CLVS2: variants seen among roughly 807,000 people sequenced by gnomAD.
CLVS2 encodes clavesin-2.
Under a neutral mutation model 29.0 loss-of-function variants are expected in CLVS2, and 19 were observed. The ratio of observed to expected loss-of-function variants is 0.66; its 90% confidence interval spans 0.46 to 0.96. The LOEUF is 0.96. Among genes scored for constraint, CLVS2 ranks in the 40% least tolerant of loss-of-function variants. CLVS2 has a pLI of 0.00. For missense variants in CLVS2, 294 were observed against 404.1 expected, an observed-to-expected ratio of 0.73 and a Z score of 2.34; for synonymous variants, 161 against 151.3, an observed-to-expected ratio of 1.06 and a Z score of -0.47.
intron 5 of CLVS2, among the ~76,000 whole-genome samples, chr6:123,061,646 A>C (rs913291608): frequency 1.3e-5 from 2 of 152,218 alleles, no homozygotes; most frequent in Non-Finnish European, 2.9e-5. Context: ...CCCAGCTTGA[A>C]TAATACACTG....
At chr6:123,049,625 G>A (rs980475107) in intron 4 of CLVS2, among the ~76,000 whole-genome samples, 5 of 152,068 alleles carry the variant, frequency 3.3e-5, no homozygotes, top group African/African-American at 4.8e-5. Context: ...CCCAGTTTTC[G>A]AATGATTAGT....
Position 123,058,992 on chromosome 6 carries a change from A to G in CLVS2, c.896+2966A>G, listed in dbSNP as rs143697137. Reference sequence around the variant, plus strand: ...ATTTTTAATGACTGCTATTTATACAATGAATACAATCACCTCCTTATCATG... The same window carrying G: ...ATTTTTAATGACTGCTATTTATACAGTGAATACAATCACCTCCTTATCATG... On this transcript the variant is annotated intron_variant, in intron 5 of 5. Coordinates refer to ENST00000275162, the MANE Select transcript of CLVS2 (RefSeq NM_001010852.4). Among the ~76,000 whole-genome samples the G allele has an allele frequency of 2.6e-3, 394 of 152,120 alleles. 1 individual carries two copies. The highest frequency in any genetic ancestry group is 8.7e-3 in the African/African-American group (361 of 41,508).
chr6:123,022,767 G>T (rs573076747), intron 3 of CLVS2, among the ~76,000 whole-genome samples: 1 of 152,070 alleles, frequency 6.6e-6, no homozygotes, highest in African/African-American at 2.4e-5. Flanking sequence ...AAGCAGATTG[G>T]CAACTTTATC....
At chr6:123,060,411 G>A (rs556051006) in intron 5 of CLVS2, among the ~76,000 whole-genome samples, 6 of 152,162 alleles carry the variant, frequency 3.9e-5, no homozygotes, top group East Asian at 3.9e-4. Context: ...TTCATGATAC[G>A]CACTTCTGAT....
At chr6:123,047,681 T>C (rs1772538191) in intron 3 of CLVS2, among the ~76,000 whole-genome samples, 1 of 152,148 alleles carries the variant, frequency 6.6e-6, no homozygotes, top group Admixed American at 6.5e-5. Context: ...GCTTGTGCTC[T>C]AAATAGAATT....
intron 2 of CLVS2, among the ~76,000 whole-genome samples, chr6:123,007,286 T>A (rs1774682996): frequency 6.6e-6 from 1 of 152,204 alleles, no homozygotes; most frequent in African/African-American, 2.4e-5. Context: ...ATGAGGTAAC[T>A]ATTATTATCA....
chr6:123,039,282 T>C (rs1350239301), intron 3 of CLVS2, among the ~76,000 whole-genome samples: 2 of 152,218 alleles, frequency 1.3e-5, no homozygotes, highest in East Asian at 1.9e-4. Context: ...ATTATTGATA[T>C]ACTAGCTGGA....
At chr6:123,019,953 G>A (rs1200981370) in intron 3 of CLVS2, among the ~76,000 whole-genome samples, 1 of 113,182 alleles carries the variant, frequency 8.8e-6, no homozygotes, top group Non-Finnish European at 1.8e-5. Flanking sequence ...TAATTAGAGT[G>A]AGACTCTTAC....
chr6:123,004,914 C>CAAAACA (rs753260568), intron 2 of CLVS2, among the ~76,000 whole-genome samples: 159 of 141,218 alleles, frequency 1.1e-3, no homozygotes, highest in Non-Finnish European at 1.4e-3. Context: ...ACTCCATCTC[C>CAAAACA]AAAACAAAAA....
intron 5 of CLVS2, 28 bp from the exon 6 acceptor site, chr6:123,063,644 ACT>A: frequency 1.5e-6 from 2 of 1,300,000 alleles, no homozygotes; most frequent in Non-Finnish European, 2.2e-6. Context: ...CCTGGTAATA[ACT>A]CACTGACGTT....
chr6:123,067,444 C>A lies in CLVS2; in HGVS notation c.*3683C>A, dbSNP rs1005381731. On this transcript the variant is annotated 3_prime_UTR_variant, in exon 6 of 6. Transcript: ENST00000275162. ...AAAGCTTGCTGAGAGGCTGTACACTCTTCTGTTGTTTTATTTAAAGGTCTG... is the reference window on the plus strand; with the variant it reads ...AAAGCTTGCTGAGAGGCTGTACACTATTCTGTTGTTTTATTTAAAGGTCTG... 1.3e-5 allele frequency: 2 copies of A among 151,798 alleles called. No individual in the cohort carries two copies. Among genetic ancestry groups the A allele is most frequent in the Admixed American group, 6.6e-5 (1 of 15,196 alleles). 9.4% of individuals were successfully genotyped at this position (151,798 alleles called of 1,614,324 possible).
In CLVS2 at chr6:123,004,964, A is replaced by C. The variant is rs868161271; in HGVS notation, c.390-6021A>C. Reference sequence around the variant, plus strand: ...AAAACAAAAAACAAAAAAAAAAAAAACCAATTATCTATTCATCAAACTCTG... The same window carrying C: ...AAAACAAAAAACAAAAAAAAAAAAACCCAATTATCTATTCATCAAACTCTG... On this transcript the variant is annotated intron_variant, in intron 2 of 5. Transcript: ENST00000275162. Among the ~76,000 whole-genome samples the C allele has an allele frequency of 1.0e-3, 145 of 144,146 alleles. 1 individual carries two copies. The highest frequency in any genetic ancestry group is 9.7e-3 in the South Asian group (42 of 4,346). The allele number at this position is 144,146 out of a possible 152,430, so 94.6% of individuals were successfully genotyped here.
chr6:123,054,723 A>G (rs1015064957), intron 4 of CLVS2, among the ~76,000 whole-genome samples: 1 of 152,242 alleles, frequency 6.6e-6, no homozygotes, highest in Admixed American at 6.5e-5. Context: ...GTTGTAGCAG[A>G]GAAGGCCAAT....
chr6:123,030,913 A>G (rs568927708), intron 3 of CLVS2, among the ~76,000 whole-genome samples: 1 of 150,546 alleles, frequency 6.6e-6, no homozygotes, highest in African/African-American at 2.4e-5. Context: ...ATTCTCAAAT[A>G]TGTATCTCAT....
intron 3 of CLVS2, among the ~76,000 whole-genome samples, chr6:123,042,332 A>G (rs886941541): frequency 2.0e-5 from 3 of 152,114 alleles, no homozygotes; most frequent in Admixed American, 1.3e-4. Context: ...AAAAAATATT[A>G]TTTATTATTG....
At chr6:123,056,061 CAGGGCAGGG>C (rs780541656) in intron 5 of CLVS2, 35 bp downstream of exon 5, 1 of 1,466,168 alleles carries the variant, frequency 6.8e-7, no homozygotes, top group East Asian at 2.3e-5. Flanking sequence ...TGGGCTGGGC[CAGGGCAGGG>C]AGAGGCATCC....
rs559216033 is a variant in CLVS2 at position 123,065,291 on chromosome 6, T to C, written c.*1530T>C. 1 of 151,858 alleles carries C rather than the reference T, an allele frequency of 6.6e-6. No individual in the cohort carries two copies. The highest frequency in any genetic ancestry group is 1.5e-5 in the Non-Finnish European group (1 of 67,818). 9.4% of individuals were successfully genotyped at this position (151,858 alleles called of 1,614,324 possible). On this transcript the variant is annotated 3_prime_UTR_variant, in exon 6 of 6. Transcript: ENST00000275162. ...TTGAGAGTTTACCATTAAAGTATTC[T>C]TTTGGAAGAAAAATATCTCAGAAAC...
intron 5 of CLVS2, among the ~76,000 whole-genome samples, chr6:123,056,578 A>C (rs1397891611): frequency 6.6e-6 from 1 of 152,192 alleles, no homozygotes; most frequent in Non-Finnish European, 1.5e-5. Flanking sequence ...GTTGTTCCAA[A>C]TTCACAGACA....
intron 3 of CLVS2, among the ~76,000 whole-genome samples, chr6:123,019,265 C>G (rs937587835): frequency 6.6e-6 from 1 of 152,082 alleles, no homozygotes; most frequent in Admixed American, 6.6e-5. Flanking sequence ...GGCACCTGTA[C>G]TCTCTTTCAC....
Sources: gnomAD v4.1 joint callset for allele counts (sites outside exome capture counted in the v4.1 genomes callset) on GRCh38, gnomAD v4.1.1 for gene constraint, MANE v1.5 for transcripts, NCBI Gene and HGNC (gene_info 2026-07-23, HGNC 2026-07-21) for gene names.